Variants in SNX24 observed in about 807,000 individuals in gnomAD.
SNX24 encodes sorting nexin 24.
Under a neutral mutation model 28.7 loss-of-function variants are expected in SNX24, and 22 were observed. The observed-to-expected ratio is 0.77, with a 90% CI of 0.55 to 1.10. SNX24 has a LOEUF of 1.10. Among genes scored for constraint, SNX24 ranks in the 50% least tolerant of loss-of-function variants. The pLI, the probability that SNX24 is intolerant of heterozygous loss-of-function variation, is 0.00. For synonymous variants in SNX24, 69 were observed against 71.5 expected (o/e 0.96, Z 0.18); for missense variants, 221 against 201.1 (o/e 1.10, Z -0.60).
chr5:122,974,321 A>G (rs898393369), intron 3 of SNX24, among the ~76,000 whole-genome samples: 5 of 152,204 alleles, frequency 3.3e-5, no homozygotes, highest in African/African-American at 1.2e-4. Context: ...GGATCCAGTC[A>G]GCATAATGTT....
intron 1 of SNX24, among the ~76,000 whole-genome samples, chr5:122,918,124 A>G (rs908646609): frequency 3.9e-5 from 6 of 152,076 alleles, no homozygotes; most frequent in African/African-American, 1.4e-4. Context: ...AATAATGCCA[A>G]CAGGCTGGGC....
At chr5:122,951,310 A>T (rs1193350458) in intron 3 of SNX24, among the ~76,000 whole-genome samples, 1 of 151,176 alleles carries the variant, frequency 6.6e-6, no homozygotes, top group Non-Finnish European at 1.5e-5. Context: ...TTAAAGTCAT[A>T]AATCTCCTTG....
At chr5:122,962,482 C>T (rs1013674735) in intron 3 of SNX24, among the ~76,000 whole-genome samples, 4 of 152,150 alleles carry the variant, frequency 2.6e-5, no homozygotes, top group Non-Finnish European at 4.4e-5. Context: ...ACCATCTATA[C>T]GTATTATTTC....
chr5:122,930,112 A>T (rs1561612938), intron 1 of SNX24, among the ~76,000 whole-genome samples: 1 of 152,156 alleles, frequency 6.6e-6, no homozygotes, highest in Non-Finnish European at 1.5e-5. Context: ...AGCACCTTTG[A>T]CCACAAATCT....
intron 1 of SNX24, among the ~76,000 whole-genome samples, chr5:122,884,100 A>G (rs1007365039): frequency 6.6e-6 from 1 of 152,206 alleles, no homozygotes; most frequent in African/African-American, 2.4e-5. Flanking sequence ...AGTTTTACTC[A>G]CAAAGTTAGA....
chr5:123,028,953 G>A, intron 5 of SNX24: 6 of 1,206,352 alleles, frequency 5.0e-6, no homozygotes, highest in Non-Finnish European at 7.1e-6. Flanking sequence ...AGGACAAACT[G>A]AGAAAATTAA....
chr5:122,919,121 C>T (rs1214288517), intron 1 of SNX24, among the ~76,000 whole-genome samples: 5 of 152,158 alleles, frequency 3.3e-5, no homozygotes, highest in African/African-American at 1.2e-4. Flanking sequence ...TAATGGAAAA[C>T]TAGATTTTTC....
At chr5:122,992,672 G>A (rs1047297985) in intron 3 of SNX24, among the ~76,000 whole-genome samples, 5 of 152,150 alleles carry the variant, frequency 3.3e-5, no homozygotes, top group Non-Finnish European at 5.9e-5. Context: ...CCCCTTTAAG[G>A]TACTAATTCA....
intron 1 of SNX24, among the ~76,000 whole-genome samples, chr5:122,863,560 TCTTA>T (rs1481369314): frequency 1.3e-5 from 2 of 149,146 alleles, no homozygotes; most frequent in African/African-American, 5.0e-5. Context: ...GGAGACAAGG[TCTTA>T]CTTTGTGGCC....
intron 1 of SNX24, among the ~76,000 whole-genome samples, chr5:122,906,949 T>G (rs977069892): frequency 6.6e-6 from 1 of 152,228 alleles, no homozygotes; most frequent in Non-Finnish European, 1.5e-5. Flanking sequence ...TTACTCTGCT[T>G]GTGTTCTCTG....
intron 1 of SNX24, among the ~76,000 whole-genome samples, chr5:122,864,275 TG>T (rs1755622905): frequency 6.6e-6 from 1 of 152,100 alleles, no homozygotes; most frequent in Non-Finnish European, 1.5e-5. Flanking sequence ...TAGCTCTTGG[TG>T]ATTGAGGCCA....
chr5:122,950,826 G>A (rs1179793843), intron 3 of SNX24, among the ~76,000 whole-genome samples: 1 of 152,130 alleles, frequency 6.6e-6, no homozygotes, highest in Non-Finnish European at 1.5e-5. Flanking sequence ...ACTGTGGGTT[G>A]GGGCGTGGAG....
At chr5:122,847,043 C>T (rs1183980672) in intron 1 of SNX24, among the ~76,000 whole-genome samples, 1 of 151,404 alleles carries the variant, frequency 6.6e-6, no homozygotes, top group Non-Finnish European at 1.5e-5. Context: ...TATCTCACTT[C>T]TCCCATCAGC....
chr5:123,009,588 A>G (rs1483670251), downstream of SNX24, among the ~76,000 whole-genome samples: 5 of 152,228 alleles, frequency 3.3e-5, no homozygotes, highest in African/African-American at 1.2e-4. Flanking sequence ...CAGGAGGCAC[A>G]CCTCACAAGA....
In SNX24 at chr5:123,007,905, A is replaced by G; in HGVS notation, c.*156A>G. 7.0e-7 allele frequency: 1 copy of G among 1,438,048 alleles called. No individual in the cohort carries two copies. The highest frequency in any genetic ancestry group is 2.7e-5 in the Admixed American group (1 of 37,058). 89.1% of individuals were successfully genotyped at this position (1,438,048 alleles called of 1,614,324 possible). On this transcript the variant is annotated 3_prime_UTR_variant, in exon 7 of 7. Coordinates refer to ENST00000261369, the MANE Select transcript of SNX24 (RefSeq NM_014035.4). ...CTTAATTCAGGGCAGGGACATTTCC[A>G]TTAGAATGGTGCTCTTAAAAATAGA...
downstream of SNX24, among the ~76,000 whole-genome samples, chr5:123,010,796 T>C (rs1266564582): frequency 6.6e-6 from 1 of 152,218 alleles, no homozygotes; most frequent in African/African-American, 2.4e-5. Context: ...AGTGTACATA[T>C]ATTTAATTTC....
At chr5:122,866,974 C>T (rs1036964716) in intron 1 of SNX24, among the ~76,000 whole-genome samples, 5 of 152,150 alleles carry the variant, frequency 3.3e-5, no homozygotes, top group Non-Finnish European at 4.4e-5. Flanking sequence ...TAGTGGGTCA[C>T]TGGGGGTAAT....
intron 1 of SNX24, among the ~76,000 whole-genome samples, chr5:122,889,612 C>T (rs914786766): frequency 1.2e-5 from 1 of 83,358 alleles, no homozygotes; most frequent in African/African-American, 5.8e-5. Flanking sequence ...TATATACACA[C>T]ATATATATAT....
At chr5:122,913,254 C>T (rs1479199686) in intron 1 of SNX24, among the ~76,000 whole-genome samples, 2 of 152,124 alleles carry the variant, frequency 1.3e-5, no homozygotes, top group Admixed American at 6.5e-5. Flanking sequence ...GGGTGGTGGC[C>T]GGGCAGAGGG....
Sources: allele counts gnomAD v4.1 joint callset (sites outside exome capture counted in the v4.1 genomes callset), GRCh38; gene constraint gnomAD v4.1.1; transcripts MANE v1.5; gene names NCBI Gene and HGNC (gene_info 2026-07-23, HGNC 2026-07-21).